The following TBC1D3E variants were observed in gnomAD, a reference collection of about 807,000 sequenced individuals.
TBC1D3E encodes Prostate cancer gene 17 protein.
For synonymous variants in TBC1D3E, 1 was observed against 12.7 expected (o/e 0.08, Z 1.96); for missense variants, 1 against 29.6 (o/e 0.03, Z 2.24).
upstream of TBC1D3E, chr17:38,127,948 T>C (rs796252115): frequency 2.6e-5 from 3 of 114,728 alleles, no homozygotes; most frequent in African/African-American, 9.1e-5. Flanking sequence ...TGCTCTCTGG[T>C]CTGCCTCAGT....
upstream of TBC1D3E, chr17:38,127,844 G>A (rs3928670): frequency 4.6e-5 from 5 of 109,432 alleles, no homozygotes; most frequent in Admixed American, 1.8e-4. Context: ...CTCAGGCAGC[G>A]GAGGACCCTG....
chr17:38,127,815 C>T (rs2035954391), upstream of TBC1D3E: 1 of 75,494 alleles, frequency 1.3e-5, no homozygotes, highest in African/African-American at 3.5e-5. Flanking sequence ...AAACACATTG[C>T]AGGCAGGCAT....
At position 38,127,965 on chromosome 17, in the gene TBC1D3E, C is replaced by G. The variant is rs1374422841; in HGVS notation, c.-103C>G. 5.6e-5 allele frequency: 6 copies of G among 106,682 alleles called. No homozygotes were observed. Among genetic ancestry groups the G allele is most frequent in the Admixed American group, 4.6e-4 (5 of 10,948 alleles). 6.6% of individuals were successfully genotyped at this position (106,682 alleles called of 1,614,324 possible). Reference sequence around the variant, plus strand: ...CTCTCTGGTCTGCCTCAGTGGTCTACAGCAGTTACACACAGGCAGTGGTAT... The same window carrying G: ...CTCTCTGGTCTGCCTCAGTGGTCTAGAGCAGTTACACACAGGCAGTGGTAT... On this transcript the variant is annotated 5_prime_UTR_variant, in exon 1 of 14. Coordinates refer to ENST00000621587, the MANE Select transcript of TBC1D3E (RefSeq NM_001291466.2).
chr17:38,136,890 G>GT lies in TBC1D3E; in HGVS notation c.973dup (p.Cys325LeufsTer6). 7 of 66,196 alleles carry GT rather than the reference G, an allele frequency of 1.1e-4. No individual in the cohort carries two copies. The highest frequency in any genetic ancestry group is 7.0e-4 in the East Asian group (7 of 10,026). 4.1% of individuals were successfully genotyped at this position (66,196 alleles called of 1,614,324 possible). ...ACGTCCAGGTGTGGCCCGTGGGCAC[G>GT]TTTTTGCAACCGGTTCGTTGATACC... On this transcript the variant is annotated frameshift_variant, in exon 13 of 14. Transcript: ENST00000621587. LOFTEE classifies it high-confidence loss of function.
intron 9 of TBC1D3E, among the ~76,000 whole-genome samples, chr17:38,135,009 A>G (rs2036001648): frequency 1.5e-5 from 2 of 136,256 alleles, no homozygotes; most frequent in Admixed American, 1.5e-4. Flanking sequence ...GTGCCCACGA[A>G]TGGGCCGACC....
upstream of TBC1D3E, among the ~76,000 whole-genome samples, chr17:38,127,731 G>A (rs1369133470): frequency 3.7e-5 from 2 of 54,558 alleles, 1 homozygote; most frequent in African/African-American, 8.4e-5. Context: ...TGGGGCAGCC[G>A]GGCCTGGCCA....
chr17:38,124,375 AACTT>A (rs1471571167), upstream of TBC1D3E, among the ~76,000 whole-genome samples: 4 of 120,628 alleles, frequency 3.3e-5, no homozygotes, highest in African/African-American at 1.0e-4. Context: ...GCTGTTATAA[AACTT>A]AAGAGCAAGA....
intron 7 of TBC1D3E, among the ~76,000 whole-genome samples, chr17:38,133,664 A>G (rs1422950682): frequency 2.9e-5 from 2 of 69,376 alleles, no homozygotes; most frequent in African/African-American, 8.0e-5. Flanking sequence ...GGAACTGTAC[A>G]CCCACAGACT....
upstream of TBC1D3E, among the ~76,000 whole-genome samples, chr17:38,126,917 C>T (rs2035948293): frequency 2.2e-5 from 1 of 44,816 alleles, no homozygotes; most frequent in African/African-American, 5.1e-5. Flanking sequence ...CACATCCTCC[C>T]GTAGACATTA....
upstream of TBC1D3E, among the ~76,000 whole-genome samples, chr17:38,125,996 GAGGCTGGGGC>G (rs1218062693): frequency 2.6e-3 from 3 of 1,156 alleles, no homozygotes; most frequent in African/African-American, 5.6e-3. Flanking sequence ...AGCACTTTGG[GAGGCTGGGGC>G]AGGTGGACTG....
chr17:38,135,994 T>TG, intron 11 of TBC1D3E, 77 bp downstream of exon 11: 2 of 83,996 alleles, frequency 2.4e-5, no homozygotes, highest in Non-Finnish European at 5.7e-5. Context: ...CCCGGGGGTC[T>TG]GGCTCACTCC....
chr17:38,134,959 T>C (rs2036000720), intron 9 of TBC1D3E, among the ~76,000 whole-genome samples: 1 of 119,838 alleles, frequency 8.3e-6, no homozygotes, highest in African/African-American at 2.9e-5. Flanking sequence ...TCCCTGAGAG[T>C]CCTCCTGCCC....
chr17:38,133,559 G>C (rs1385464255), intron 7 of TBC1D3E, among the ~76,000 whole-genome samples: 8 of 31,822 alleles, frequency 2.5e-4, no homozygotes, highest in Admixed American at 4.0e-4. Context: ...TGGGTGCATA[G>C]GGGCCACCCT....
At chr17:38,128,118 C>T (rs1319716370) in intron 1 of TBC1D3E, 52 bp downstream of exon 1, 1 of 48,740 alleles carries the variant, frequency 2.1e-5, no homozygotes, top group African/African-American at 4.7e-5. Context: ...GCAGTGGCTA[C>T]GGTGCGGGCG....
chr17:38,127,316 CT>C, upstream of TBC1D3E, among the ~76,000 whole-genome samples: 1 of 20,324 alleles, frequency 4.9e-5, no homozygotes. Context: ...ATCCCAAGCT[CT>C]TTCTGGCCCC....
intron 10 of TBC1D3E, 22 bp from the exon 11 acceptor site, chr17:38,135,830 G>GC: frequency 7.4e-6 from 1 of 134,874 alleles, no homozygotes; most frequent in Non-Finnish European, 1.8e-5. Context: ...AGTGGCCTGA[G>GC]CACCTCTGTT....
At chr17:38,127,548 C>T (rs2035951738), upstream of TBC1D3E, among the ~76,000 whole-genome samples, 1 of 51,256 alleles carries the variant, frequency 2.0e-5, no homozygotes, top group African/African-American at 4.5e-5. Flanking sequence ...GGTAATAGTA[C>T]TAGCTTTTGT....
Position 38,136,408 on chromosome 17 carries a change from TGG to T in TBC1D3E, c.858_859del (p.Trp286Ter), listed in dbSNP as rs2036019935. 1 of 571,686 alleles carries T rather than the reference TGG, an allele frequency of 1.7e-6. No homozygotes were observed. The highest frequency in any genetic ancestry group is 1.9e-5 in the African/African-American group (1 of 53,788). The allele number at this position is 571,686 out of a possible 1,614,324, so 35.4% of individuals were successfully genotyped here. ...CTCTCTCGGGCTCACCCTGCGCCTG[TGG>T]GACGTGTATCTGGTAGAAGGCGAAC... ...GISLGLTLRLWDVYLVEGEQA... is the reference protein window; with the variant it reads ...GISLGLTLRLXDVYLVEGEQA... On this transcript the variant is annotated frameshift_variant, in exon 12 of 14. Transcript: ENST00000621587. LOFTEE classifies it high-confidence loss of function.
intron 7 of TBC1D3E, among the ~76,000 whole-genome samples, chr17:38,133,742 TCA>T (rs1231526577): frequency 6.3e-5 from 3 of 47,832 alleles, no homozygotes; most frequent in Non-Finnish European, 1.8e-4. Flanking sequence ...ATCAGGCAAG[TCA>T]CTGTACAACT....
Sources: allele counts gnomAD v4.1 joint callset (sites outside exome capture counted in the v4.1 genomes callset), GRCh38; gene constraint gnomAD v4.1.1; transcripts MANE v1.5; gene names NCBI Gene and HGNC (gene_info 2026-07-23, HGNC 2026-07-21).